PCF11: variants seen among roughly 807,000 people sequenced by gnomAD.
The protein encoded by PCF11 is PCF11 cleavage and polyadenylation factor subunit.
A neutral mutation model predicts 166.1 loss-of-function variants in PCF11; 19 were observed. That is an observed-to-expected ratio of 0.11 (90% CI 0.08 to 0.17). PCF11 has a LOEUF of 0.17. Ranked by LOEUF, PCF11 falls within the 10% of genes least tolerant of loss-of-function variation. PCF11 has a pLI of 1.00. For synonymous variants in PCF11, 663 were observed against 644.1 expected, an observed-to-expected ratio of 1.03 and a Z score of -0.44; for missense variants, 1,565 against 1,855.5, an observed-to-expected ratio of 0.84 and a Z score of 2.88.
At chr11:83,161,435 A>G (rs2135416497) in exon 2 of PCF11, 1 of 1,588,978 alleles carries the variant, frequency 6.3e-7, no homozygotes, top group East Asian at 2.3e-5. Flanking sequence ...TGCAACATTT[A>G]TTTGTGTGTT....
chr11:83,182,020 A>C lies in PCF11; in HGVS notation c.4323+11A>C. On this transcript the variant is annotated intron_variant, in intron 13 of 15. Transcript: ENST00000298281. The stretch of plus-strand genomic sequence containing the variant: ...GCTGGAGCAGTTGAGGTGAGAGAAG[A>C]ACGTTTAAGTTTTCTCACAGTGGGA... 6.3e-7 allele frequency: 1 copy of C among 1,590,140 alleles called. No individual in the cohort carries two copies.
At chr11:83,157,727 G>A (rs968261965) in intron 1 of PCF11, 96 bp downstream of exon 1, 18 of 1,155,598 alleles carry the variant, frequency 1.6e-5, no homozygotes, top group Admixed American at 3.6e-5. Flanking sequence ...AAGGGGGACA[G>A]TGTTCCTTCT....
chr11:83,174,964 C>G (rs1860823268), intron 9 of PCF11, among the ~76,000 whole-genome samples: 1 of 152,036 alleles, frequency 6.6e-6, no homozygotes, highest in Admixed American at 6.5e-5. Flanking sequence ...ATTAATTAGC[C>G]TACGATATAT....
intron 13 of PCF11, among the ~76,000 whole-genome samples, 152 bp downstream of exon 13, chr11:83,182,161 C>G (rs1282628202): frequency 6.6e-6 from 1 of 152,202 alleles, no homozygotes; most frequent in Non-Finnish European, 1.5e-5. Flanking sequence ...CTCTTACAAT[C>G]TAGCTTTGAG....
At chr11:83,165,129 T>C (rs2135421600) in intron 4 of PCF11, among the ~76,000 whole-genome samples, 1 of 152,344 alleles carries the variant, frequency 6.6e-6, no homozygotes, top group Admixed American at 6.5e-5. Context: ...GACTTTATAC[T>C]AAGTTATTTT....
At chr11:83,165,329 C>T (rs1249654744) in intron 4 of PCF11, among the ~76,000 whole-genome samples, 1 of 151,974 alleles carries the variant, frequency 6.6e-6, no homozygotes, top group Non-Finnish European at 1.5e-5. Context: ...GAATCCTGAA[C>T]AATAAGGAAG....
chr11:83,179,629 C>T (rs896572060), intron 11 of PCF11, among the ~76,000 whole-genome samples: 5 of 152,064 alleles, frequency 3.3e-5, no homozygotes, highest in African/African-American at 7.2e-5. Context: ...TTAGGCTGGG[C>T]GCAGTGGCTC....
intron 15 of PCF11, 95 bp downstream of exon 15, chr11:83,183,168 A>G: frequency 1.4e-6 from 1 of 694,634 alleles, no homozygotes; most frequent in East Asian, 3.0e-5. Flanking sequence ...TTGTTATTTT[A>G]AACTTAATAT....
In PCF11 at chr11:83,157,461, G is replaced by T; in HGVS notation, c.22G>T (p.Glu8Ter). Residue 8 changes from glutamate (E) to a stop codon, truncating the protein, a stop_gained, in exon 1 of 16, where the codon GAG (glutamate) becomes TAG (stop). Transcript: ENST00000298281. LOFTEE classifies it high-confidence loss of function. ...CGCAATGTCAGAGCAGACGCCGGCC[G>T]AGGCCGGTGCTGCGGGGGCCCGGGA... 1.2e-6 allele frequency: 2 copies of T among 1,611,646 alleles called. No individual in the cohort carries two copies. Among genetic ancestry groups the T allele is most frequent in the Non-Finnish European group, 1.7e-6 (2 of 1,179,818 alleles).
exon 4 of PCF11, chr11:83,164,222 A>G (rs1436373587): frequency 6.2e-7 from 1 of 1,610,340 alleles, no homozygotes. Context: ...GGAGCCTTCA[A>G]CACCTGGTAC....
At chr11:83,171,303 T>A in intron 8 of PCF11, 1 of 455,682 alleles carries the variant, frequency 2.2e-6, no homozygotes, top group Non-Finnish European at 4.4e-6. Flanking sequence ...GCTTGGTAAT[T>A]CAGAATGCTA....
intron 11 of PCF11, chr11:83,180,807 C>T: frequency 2.7e-6 from 1 of 372,320 alleles, no homozygotes; most frequent in African/African-American, 2.0e-5. Flanking sequence ...CAGGCTCCAT[C>T]TTCCAAAAGT....
chr11:83,157,683 G>T (rs1397115056), intron 1 of PCF11, 52 bp downstream of exon 1: 1 of 1,510,724 alleles, frequency 6.6e-7, no homozygotes, highest in African/African-American at 1.4e-5. Context: ...CCTGATTTTA[G>T]TGTCAGCCTC....
intron 9 of PCF11, among the ~76,000 whole-genome samples, chr11:83,176,541 A>G (rs12049819): frequency 0.1 from 15,315 of 152,218 alleles, 922 homozygotes; most frequent in Middle Eastern, 0.21. Flanking sequence ...TTGCAGGGAC[A>G]TGGATGAAGC....
At position 83,167,140 on chromosome 11, in the gene PCF11, T is replaced by A. The variant is rs924110719; in HGVS notation, c.1833T>A (p.Asp611Glu). 1.9e-6 allele frequency: 3 copies of A among 1,612,290 alleles called. No homozygotes were observed. The highest frequency in any genetic ancestry group is 1.3e-5 in the African/African-American group (1 of 74,886). Residue 611 changes from aspartate (D) to glutamate (E), a missense_variant, in exon 6 of 16, where the codon GAT (aspartate) becomes GAA (glutamate). By Grantham distance (45) the Asp-to-Glu change is conservative (BLOSUM62 2). Around this residue, in one of 12 missense-constraint regions of PCF11, gnomAD observed 468 missense variants for 483.4 expected, o/e 0.97. Coordinates refer to ENST00000298281, the Ensembl canonical transcript of PCF11. This position sits in a 1 kb window ranked among gnomAD's most constrained non-coding sequence, Gnocchi z 4.2. Reference sequence around the variant, plus strand: ...ATGGTTTCAGCTTACAACAGGTTGATGAACATAGTAAACCTCCTCATCTGA... The same window carrying A: ...ATGGTTTCAGCTTACAACAGGTTGAAGAACATAGTAAACCTCCTCATCTGA...
chr11:83,179,646 G>C (rs987036140), intron 11 of PCF11, among the ~76,000 whole-genome samples: 21 of 152,250 alleles, frequency 1.4e-4, no homozygotes, highest in African/African-American at 4.8e-4. Flanking sequence ...GCTCATGCCT[G>C]TAATCCCAGC....
At chr11:83,180,492 C>G (rs138870928) in intron 11 of PCF11, 1 of 151,972 alleles carries the variant, frequency 6.6e-6, no homozygotes, top group Non-Finnish European at 1.5e-5. Flanking sequence ...ATTTAAAAAA[C>G]TAATTATTTG....
chr11:83,157,562 C>T, exon 1 of PCF11: 2 of 1,613,988 alleles, frequency 1.2e-6, no homozygotes, highest in Non-Finnish European at 1.7e-6. Context: ...ATATGCTGAC[C>T]ATTCTAGCCG....
exon 16 of PCF11, chr11:83,186,630 G>T (rs563277970): frequency 9.9e-5 from 15 of 152,158 alleles, no homozygotes; most frequent in African/African-American, 3.6e-4. Flanking sequence ...TAAACAGGGT[G>T]ACATCCTATC....
Sources: gnomAD v4.1 joint callset for allele counts (sites outside exome capture counted in the v4.1 genomes callset) on GRCh38, gnomAD v4.1.1 for gene constraint, gnomAD v4.1.1 regional missense constraint, Gnocchi (gnomAD v3.1) non-coding constraint, MANE v1.5 for transcripts, NCBI Gene and HGNC (gene_info 2026-07-23, HGNC 2026-07-21) for gene names.